The following TENM2 variants were observed in gnomAD, a reference collection of about 807,000 sequenced individuals.
The protein encoded by TENM2 is teneurin-2.
A neutral mutation model predicts 245.2 loss-of-function variants in TENM2; 52 were observed. That is an observed-to-expected ratio of 0.21 (90% CI 0.17 to 0.27). The LOEUF is 0.27. Among genes scored for constraint, TENM2 ranks in the 10% least tolerant of loss-of-function variants. TENM2 has a pLI of 1.00. For missense variants in TENM2, 3,046 were observed against 3,666.8 expected, an observed-to-expected ratio of 0.83 and a Z score of 4.37; for synonymous variants, 1,363 against 1,438.9, an observed-to-expected ratio of 0.95 and a Z score of 1.19.
At chr5:168,013,115 C>A in intron 5 of TENM2, among the ~76,000 whole-genome samples, 1 of 152,174 alleles carries the variant, frequency 6.6e-6, no homozygotes, top group East Asian at 1.9e-4. Flanking sequence ...CACACACTTA[C>A]ACACACATAC....
At chr5:167,104,883 A>G in the TENM2 span, among the ~76,000 whole-genome samples, 3 of 152,324 alleles carry the variant, frequency 2.0e-5, no homozygotes, top group African/African-American at 7.2e-5. Context: ...ATTTGACAAC[A>G]TGCATTTGTC....
chr5:167,294,206 A>G (rs772099829), intron 1 of TENM2: 1 of 152,214 alleles, frequency 6.6e-6, no homozygotes, highest in Non-Finnish European at 1.5e-5. Flanking sequence ...CTTGAGACAG[A>G]GGATGGCCTG....
intron 2 of TENM2, among the ~76,000 whole-genome samples, chr5:167,538,348 T>A (rs1771983303): frequency 6.6e-6 from 1 of 152,204 alleles, no homozygotes. Flanking sequence ...CTTGATACAG[T>A]TTAAATAGGC....
At chr5:167,084,355 A>ATATATATATATATATATATATATATG in the TENM2 span, among the ~76,000 whole-genome samples, 135 of 109,324 alleles carry the variant, frequency 1.2e-3, 1 homozygote, top group Middle Eastern at 4.5e-3. Context: ...ATATATATAT[A>ATATATATATATATATATATATATATG]TATATATATA....
At chr5:167,997,564 G>C (rs1186583465) in intron 5 of TENM2, among the ~76,000 whole-genome samples, 1 of 152,180 alleles carries the variant, frequency 6.6e-6, no homozygotes, top group Non-Finnish European at 1.5e-5. Flanking sequence ...AGTGACAGCT[G>C]GTTAACTCTG....
At chr5:167,609,794 A>G (rs1028177466) in intron 2 of TENM2, among the ~76,000 whole-genome samples, 32 of 152,136 alleles carry the variant, frequency 2.1e-4, no homozygotes, top group African/African-American at 7.5e-4. Context: ...CATGTTCAAC[A>G]CGGAATACTT....
chr5:167,258,444 G>T, the TENM2 span, among the ~76,000 whole-genome samples: 1 of 151,952 alleles, frequency 6.6e-6, no homozygotes, highest in Non-Finnish European at 1.5e-5. Flanking sequence ...TGCATTGCTG[G>T]CTCCCACAGG....
At chr5:167,526,188 A>C (rs1306171933) in intron 2 of TENM2, among the ~76,000 whole-genome samples, 1 of 152,104 alleles carries the variant, frequency 6.6e-6, no homozygotes, top group Non-Finnish European at 1.5e-5. Context: ...CATGAACAGC[A>C]AAAAGAGACC....
the TENM2 span, among the ~76,000 whole-genome samples, chr5:167,081,899 C>A: frequency 1.3e-5 from 2 of 152,174 alleles, no homozygotes; most frequent in African/African-American, 4.8e-5. Context: ...TGCCTCTTGT[C>A]GTTTCAGTTT....
intron 6 of TENM2, among the ~76,000 whole-genome samples, chr5:168,057,247 C>A (rs1321944718): frequency 2.0e-5 from 3 of 151,744 alleles, no homozygotes; most frequent in Admixed American, 1.3e-4. Context: ...TGTTAACAAG[C>A]CTAAAAGCTT....
rs1181056660 is a variant in TENM2 at position 168,247,367 on chromosome 5, T to C, written c.6428T>C (p.Ile2143Thr). 2 of 1,613,922 alleles carry C rather than the reference T, an allele frequency of 1.2e-6. No homozygotes were observed. Among genetic ancestry groups the C allele is most frequent in the South Asian group, 2.2e-5 (2 of 91,078 alleles). ...ATCTATTATGACATCAACCAGATCA[T>C]CACCACTGCCGTGATGACCCTCAGC... The change falls in exon 27 of 29, where the codon ATC becomes ACC. Residue 2143 changes from isoleucine (I) to threonine (T), a missense_variant. This residue lies in a region of TENM2 where 2,704 missense variants were observed against 3,331.9 expected (regional missense o/e 0.81). Coordinates refer to ENST00000518659, the Ensembl canonical transcript of TENM2. This position sits in a 1 kb window ranked among gnomAD's most constrained non-coding sequence, Gnocchi z 7.8.
chr5:167,685,605 A>G (rs764438520), intron 2 of TENM2, among the ~76,000 whole-genome samples: 18 of 152,188 alleles, frequency 1.2e-4, no homozygotes, highest in Non-Finnish European at 2.1e-4. Flanking sequence ...TGCACTTAGG[A>G]GTGTCTACCT....
chr5:168,231,838 A>C (rs1419076902), intron 25 of TENM2, among the ~76,000 whole-genome samples: 2 of 151,982 alleles, frequency 1.3e-5, no homozygotes, highest in African/African-American at 4.8e-5. Context: ...GCTCATGCCT[A>C]TAATCCTAGC....
intron 25 of TENM2, among the ~76,000 whole-genome samples, chr5:168,238,417 C>T (rs1041772354): frequency 3.9e-5 from 6 of 152,104 alleles, no homozygotes; most frequent in Admixed American, 1.3e-4. Flanking sequence ...TTTTAAACGT[C>T]GCCAGACAGG....
At chr5:167,948,313 A>G (rs1392517803) in intron 3 of TENM2, among the ~76,000 whole-genome samples, 6 of 152,230 alleles carry the variant, frequency 3.9e-5, no homozygotes, top group South Asian at 2.1e-4. Flanking sequence ...AGGACAGACT[A>G]TGTGACTGGC....
chr5:168,114,479 G>A (rs530262228), intron 9 of TENM2, among the ~76,000 whole-genome samples: 4 of 152,286 alleles, frequency 2.6e-5, no homozygotes, highest in Admixed American at 6.5e-5. Flanking sequence ...TTCACATCCA[G>A]CCTCTTGAAC....
intron 2 of TENM2, among the ~76,000 whole-genome samples, chr5:167,730,355 T>C (rs1246323164): frequency 6.6e-6 from 1 of 152,214 alleles, no homozygotes; most frequent in Non-Finnish European, 1.5e-5. Flanking sequence ...TCTAAGCTCA[T>C]TTCCAATTGT....
At chr5:168,169,168 C>T (rs1758571922) in intron 13 of TENM2, among the ~76,000 whole-genome samples, 1 of 152,156 alleles carries the variant, frequency 6.6e-6, no homozygotes, top group Non-Finnish European at 1.5e-5. Flanking sequence ...GAAAGCGCAG[C>T]CCATTGTTAA....
At chr5:167,421,629 C>T (rs564934396) in intron 2 of TENM2, among the ~76,000 whole-genome samples, 14 of 152,186 alleles carry the variant, frequency 9.2e-5, no homozygotes, top group East Asian at 3.8e-4. Context: ...GGCTCTTCCA[C>T]GTCCATTAGC....
Sources: gnomAD v4.1 joint callset for allele counts (sites outside exome capture counted in the v4.1 genomes callset) on GRCh38, gnomAD v4.1.1 for gene constraint, gnomAD v4.1.1 regional missense constraint, Gnocchi (gnomAD v3.1) non-coding constraint, MANE v1.5 for transcripts, NCBI Gene and HGNC (gene_info 2026-07-23, HGNC 2026-07-21) for gene names.